The following KAZN variants were observed in gnomAD, a reference collection of about 807,000 sequenced individuals.
KAZN encodes kazrin, periplakin interacting protein.
A neutral mutation model predicts 87.4 loss-of-function variants in KAZN; 40 were observed. That is an observed-to-expected ratio of 0.46 (90% CI 0.36 to 0.60). KAZN has a LOEUF of 0.60. KAZN is among the 20% of genes least tolerant of loss of function. The pLI, the probability that KAZN is intolerant of heterozygous loss-of-function variation, is 0.00. For missense variants in KAZN, 898 were observed against 1,073.9 expected (o/e 0.84, Z 2.29); for synonymous variants, 466 against 458.3 (o/e 1.02, Z -0.22).
chr1:14,417,993 C>CAAAAAA (rs58803467), intron 2 of KAZN, among the ~76,000 whole-genome samples: 17 of 33,814 alleles, frequency 5.0e-4, no homozygotes, highest in Admixed American at 1.0e-3. Context: ...GAGACTGCCT[C>CAAAAAA]AAAAAAAAAA....
chr1:14,338,590 A>T (rs1271839909), intron 2 of KAZN, among the ~76,000 whole-genome samples: 1 of 145,332 alleles, frequency 6.9e-6, no homozygotes, highest in Non-Finnish European at 1.5e-5. Flanking sequence ...GTCCTCAGAA[A>T]TAAAAGAGAG....
At chr1:14,597,504 TCA>T (rs1211784987), upstream of KAZN, among the ~76,000 whole-genome samples, 1 of 152,176 alleles carries the variant, frequency 6.6e-6, no homozygotes, top group African/African-American at 2.4e-5. Context: ...ATGCAGAGCC[TCA>T]GTTTCCTTAT....
intron 2 of KAZN, among the ~76,000 whole-genome samples, chr1:14,263,456 T>C (rs1036475587): frequency 2.0e-5 from 3 of 152,220 alleles, no homozygotes; most frequent in Non-Finnish European, 4.4e-5. Context: ...CTGAGCTTGC[T>C]GATGGTTGAC....
chr1:14,758,593 A>T (rs1304670043), intron 1 of KAZN, among the ~76,000 whole-genome samples: 5 of 152,270 alleles, frequency 3.3e-5, no homozygotes, highest in Non-Finnish European at 5.9e-5. Flanking sequence ...GATTACAGGC[A>T]TGAGCCACCA....
intron 2 of KAZN, among the ~76,000 whole-genome samples, chr1:14,217,729 C>G (rs1553146273): frequency 1.3e-5 from 2 of 151,806 alleles, no homozygotes; most frequent in Non-Finnish European, 2.9e-5. Context: ...CCAAAATAAC[C>G]AACACTGAGA....
At chr1:15,044,270 G>GGGGGGGGGGGGCC in intron 4 of KAZN, 111 bp downstream of exon 4, 2 of 413,316 alleles carry the variant, frequency 4.8e-6, no homozygotes, top group Non-Finnish European at 8.4e-6. Context: ...GGTGGGTGGG[G>GGGGGGGGGGGGCC]CAGAGCAGAA....
At chr1:14,846,438 C>T (rs1278306181) in intron 1 of KAZN, among the ~76,000 whole-genome samples, 1 of 152,060 alleles carries the variant, frequency 6.6e-6, no homozygotes, top group African/African-American at 2.4e-5. Context: ...AATGGCTCTA[C>T]ACAGAGGCAG....
intron 1 of KAZN, among the ~76,000 whole-genome samples, chr1:13,913,077 C>T (rs1190023561): frequency 6.6e-6 from 1 of 152,046 alleles, no homozygotes; most frequent in Non-Finnish European, 1.5e-5. Flanking sequence ...GGGTTGGGGT[C>T]ACTGGACCCT....
At chr1:14,887,101 G>A (rs1654154533) in intron 1 of KAZN, among the ~76,000 whole-genome samples, 1 of 152,174 alleles carries the variant, frequency 6.6e-6, no homozygotes, top group African/African-American at 2.4e-5. Flanking sequence ...CATAGTGCTT[G>A]GTATTGGCAG....
chr1:15,113,431 G>A (rs1230307274), intron 14 of KAZN: 1 of 152,030 alleles, frequency 6.6e-6, no homozygotes, highest in Non-Finnish European at 1.5e-5. Flanking sequence ...GTCTCCTTAG[G>A]GAGCAATAAT....
chr1:14,793,950 C>T (rs188403905), intron 1 of KAZN, among the ~76,000 whole-genome samples: 1 of 152,342 alleles, frequency 6.6e-6, no homozygotes, highest in Admixed American at 6.5e-5. Flanking sequence ...CCCGCAGCCT[C>T]CACCTGAGGA....
At chr1:14,569,611 C>A (rs1178969246) in intron 2 of KAZN, among the ~76,000 whole-genome samples, 1 of 151,456 alleles carries the variant, frequency 6.6e-6, no homozygotes, top group African/African-American at 2.4e-5. Flanking sequence ...CATGAGCCAC[C>A]GCGCCCAGCC....
At chr1:14,809,865 C>A (rs1296796380) in intron 1 of KAZN, among the ~76,000 whole-genome samples, 3 of 152,136 alleles carry the variant, frequency 2.0e-5, no homozygotes, top group African/African-American at 7.2e-5. Flanking sequence ...TCCCTTCCAC[C>A]AGGGGCATTT....
intron 1 of KAZN, among the ~76,000 whole-genome samples, chr1:14,657,649 G>A (rs72865065): frequency 0.016 from 2,410 of 152,230 alleles, 66 homozygotes; most frequent in African/African-American, 0.056. Flanking sequence ...GTCCTGTCAT[G>A]AAGACTGGGG....
At chr1:14,057,308 T>C (rs1335685967) in intron 1 of KAZN, among the ~76,000 whole-genome samples, 2 of 152,032 alleles carry the variant, frequency 1.3e-5, no homozygotes, top group Non-Finnish European at 2.9e-5. Context: ...CTAATTTTTA[T>C]ATTTTTAGTA....
rs149714323 is a variant in KAZN, at chr1:15,099,313, C to T, written c.1548-2230C>T. Among the ~76,000 whole-genome samples, 1 of 152,246 alleles carries T rather than the reference C, an allele frequency of 6.6e-6. No homozygotes were observed. Among genetic ancestry groups the T allele is most frequent in the East Asian group, 1.9e-4 (1 of 5,182 alleles). On this transcript the variant is annotated intron_variant, in intron 10 of 14. Coordinates refer to ENST00000376030, the MANE Select transcript of KAZN (RefSeq NM_201628.3). The surrounding 1 kb of genome is among the most constrained non-coding windows in gnomAD (Gnocchi z 5.4). ...GTTTGGCAGTGAACGCAGTTTCTGT[C>T]CTGAATGAGCTTATCTGCTAAGGTG... is the stretch of plus-strand genomic sequence containing the variant.
At chr1:14,546,542 T>A (rs1399110207) in intron 2 of KAZN, among the ~76,000 whole-genome samples, 1 of 151,924 alleles carries the variant, frequency 6.6e-6, no homozygotes, top group African/African-American at 2.4e-5. Context: ...ACGTAGTAAA[T>A]AACTAAAACA....
intron 2 of KAZN, among the ~76,000 whole-genome samples, chr1:15,012,062 C>G (rs1218691233): frequency 6.6e-6 from 1 of 152,194 alleles, no homozygotes; most frequent in Non-Finnish European, 1.5e-5. Flanking sequence ...CATGGGCACT[C>G]TTGCAGGTCC....
At chr1:14,290,799 T>G (rs913974478) in intron 2 of KAZN, among the ~76,000 whole-genome samples, 1 of 152,234 alleles carries the variant, frequency 6.6e-6, no homozygotes, top group African/African-American at 2.4e-5. Context: ...CTCTGGTTTC[T>G]CCCCATCTTT....
Sources: gnomAD v4.1 joint callset for allele counts (sites outside exome capture counted in the v4.1 genomes callset) on GRCh38, gnomAD v4.1.1 for gene constraint, Gnocchi (gnomAD v3.1) non-coding constraint, MANE v1.5 for transcripts, NCBI Gene and HGNC (gene_info 2026-07-23, HGNC 2026-07-21) for gene names.